Variants in ZNF268 observed in about 807,000 individuals in gnomAD.
The protein encoded by ZNF268 is zinc finger protein 268.
In ZNF268, 20 loss-of-function variants were observed where a neutral mutation model predicts 29.3. The ratio of observed to expected loss-of-function variants is 0.68; its 90% CI spans 0.48 to 0.99. The LOEUF (loss-of-function observed/expected upper bound fraction) is 0.99, where lower values mean the gene tolerates loss of function less well. Among genes scored for constraint, ZNF268 ranks in the 50% least tolerant of loss-of-function variants. The probability of loss-of-function intolerance (pLI) is 0.00; values close to 1 mark genes in which losing one functional copy is unlikely to be tolerated. For missense variants in ZNF268, 1,240 were observed against 1,121.6 expected, an observed-to-expected ratio of 1.11 and a Z score of -1.51; for synonymous variants, 429 against 376.9, an observed-to-expected ratio of 1.14 and a Z score of -1.60.
intron 3 of ZNF268, among the ~76,000 whole-genome samples, chr12:133,189,640 G>GT (rs1357665698): frequency 6.6e-6 from 1 of 152,084 alleles, no homozygotes; most frequent in Non-Finnish European, 1.5e-5. Context: ...ACTTTCTTAG[G>GT]TTTTTTGGTA....
At position 133,211,598 on chromosome 12, in the gene ZNF268, AAAG is replaced by A. The variant is rs36144378; in HGVS notation, c.*7073_*7075del. ...TGAAACTCCGTCTCAAAAAAAAAAA[AAAG>A]AAGATATACAGATGGCAAATAAGCA... On this transcript the variant is annotated 3_prime_UTR_variant, in exon 6 of 6. Transcript: ENST00000536435. 0.035 allele frequency: 5,427 copies of A among 154,238 alleles called. 138 individuals carry two copies. Among genetic ancestry groups the A allele is most frequent in the South Asian group, 0.11 (529 of 4,988 alleles). 9.6% of individuals were successfully genotyped at this position (154,238 alleles called of 1,614,324 possible).
chr12:133,182,099 C>A, intron 2 of ZNF268, 69 bp downstream of exon 2: 1 of 1,481,374 alleles, frequency 6.8e-7, no homozygotes, highest in South Asian at 1.2e-5. Context: ...ACTCCATCTA[C>A]TCCAGTCTGA....
intron 3 of ZNF268, 43 bp downstream of exon 3, chr12:133,188,115 C>CTTT (rs11427950): frequency 1.2e-4 from 161 of 1,327,744 alleles, no homozygotes; most frequent in African/African-American, 5.1e-4. Context: ...TCTTTATTAC[C>CTTT]TTTTTTTTTT....
chr12:133,188,627 A>G (rs1290544503), intron 3 of ZNF268, among the ~76,000 whole-genome samples: 1 of 152,006 alleles, frequency 6.6e-6, no homozygotes, highest in Non-Finnish European at 1.5e-5. Context: ...TTTTATGTGT[A>G]TCCTTTTTTT....
chr12:133,212,190 T>C lies in ZNF268; in HGVS notation c.*7660T>C, dbSNP rs918184933. Reference sequence around the variant, plus strand: ...ACAGGGGTAGCAAACATATCTGTGATTGATGACGGTTTGTAGAGGGCAGGG... The same window carrying C: ...ACAGGGGTAGCAAACATATCTGTGACTGATGACGGTTTGTAGAGGGCAGGG... On this transcript the variant is annotated 3_prime_UTR_variant, in exon 6 of 6. Coordinates refer to ENST00000536435, the MANE Select transcript of ZNF268 (RefSeq NM_003415.3). 1 of 152,110 alleles carries C rather than the reference T, an allele frequency of 6.6e-6. No individual in the cohort carries two copies. The highest frequency in any genetic ancestry group is 1.5e-5 in the Non-Finnish European group (1 of 68,036). 9.4% of individuals were successfully genotyped at this position (152,110 alleles called of 1,614,324 possible).
chr12:133,199,943 G>A (rs945321418), intron 5 of ZNF268, among the ~76,000 whole-genome samples: 3 of 151,892 alleles, frequency 2.0e-5, no homozygotes, highest in African/African-American at 4.8e-5. Context: ...TCTTGCTAGC[G>A]GTCTATCAAT....
intron 3 of ZNF268, among the ~76,000 whole-genome samples, chr12:133,191,074 T>G (rs1412863214): frequency 6.6e-6 from 1 of 152,066 alleles, no homozygotes; most frequent in African/African-American, 2.4e-5. Flanking sequence ...CCTAGCACTT[T>G]GGGAGGCCGA....
Position 133,205,687 on chromosome 12 carries a change from C to T in ZNF268, c.*1157C>T, listed in dbSNP as rs575214670. 5.3e-5 allele frequency: 8 copies of T among 152,322 alleles called. No individual in the cohort carries two copies. In the South Asian group the frequency reaches 1.2e-3, roughly 24 times the overall value. The allele number at this position is 152,322 out of a possible 1,614,324, so 9.4% of individuals were successfully genotyped here. On this transcript the variant is annotated 3_prime_UTR_variant, in exon 6 of 6. Transcript: ENST00000536435. ...CCTTTGGAAGCAGTCTTGGCAGCAACCTCTTTAGTAATCAATATAAGGCAC... is the reference window on the plus strand; with the variant it reads ...CCTTTGGAAGCAGTCTTGGCAGCAATCTCTTTAGTAATCAATATAAGGCAC...
In ZNF268 at chr12:133,203,687, C is replaced by T; in HGVS notation, c.2001C>T (p.Pro667=). The change falls in exon 6 of 6, where the codon CCC becomes CCT. Residue 667 remains proline, a synonymous_variant. Coordinates refer to ENST00000536435, the MANE Select transcript of ZNF268 (RefSeq NM_003415.3). ...VHKGVHTGVK[P]YGCSQCAKTF... ...AAGGAGTGCACACTGGAGTAAAACC[C>T]TATGGATGCAGTCAATGTGCAAAAA... is the stretch of plus-strand genomic sequence containing the variant. 6.5e-7 allele frequency: 1 copy of T among 1,548,106 alleles called. No individual in the cohort carries two copies. The highest frequency in any genetic ancestry group is 8.7e-7 in the Non-Finnish European group (1 of 1,152,386).
chr12:133,203,225 ATACCT>A lies in ZNF268; in HGVS notation c.1542_1546del (p.Leu515TyrfsTer13). On this transcript the variant is annotated frameshift_variant, in exon 6 of 6. Transcript: ENST00000536435. LOFTEE classifies it low-confidence loss of function (END_TRUNC). ...GTGGCAAAGCCTTCAGGAGCAAGTC[ATACCT>A]TATTATACATACAAGGACTCATACA... is the stretch of plus-strand genomic sequence containing the variant. The A allele has an allele frequency of 6.5e-7, 1 of 1,537,968 alleles. No individual in the cohort carries two copies. The highest frequency in any genetic ancestry group is 1.4e-5 in the African/African-American group (1 of 73,144).
At chr12:133,196,798 C>T (rs189126685) in intron 5 of ZNF268, among the ~76,000 whole-genome samples, 130 of 152,120 alleles carry the variant, frequency 8.5e-4, no homozygotes, top group African/African-American at 2.7e-3. Context: ...AGTGCATTAA[C>T]GGAAGATAAT....
chr12:133,191,813 A>G, intron 4 of ZNF268, 95 bp from the exon 5 acceptor site: 2 of 1,512,394 alleles, frequency 1.3e-6, no homozygotes, highest in Non-Finnish European at 1.8e-6. Context: ...AGGCAGCTTC[A>G]TCATGCTACC....
In ZNF268 at chr12:133,211,895, A is replaced by C. The variant is rs1265160358; in HGVS notation, c.*7365A>C. ...TAGATAACTGCTTTGAAAACATAGGAGTTTGATCTAAACAAAACCCAGCAT... is the reference window on the plus strand; with the variant it reads ...TAGATAACTGCTTTGAAAACATAGGCGTTTGATCTAAACAAAACCCAGCAT... On this transcript the variant is annotated 3_prime_UTR_variant, in exon 6 of 6. Coordinates refer to ENST00000536435, the MANE Select transcript of ZNF268 (RefSeq NM_003415.3). 1 of 152,224 alleles carries C rather than the reference A, an allele frequency of 6.6e-6. No homozygotes were observed. The highest frequency in any genetic ancestry group is 1.5e-5 in the Non-Finnish European group (1 of 68,040). The allele number at this position is 152,224 out of a possible 1,614,324, so 9.4% of individuals were successfully genotyped here.
At position 133,210,037 on chromosome 12, in the gene ZNF268, A is replaced by G. The variant is rs1319170874; in HGVS notation, c.*5507A>G. On this transcript the variant is annotated 3_prime_UTR_variant, in exon 6 of 6. Transcript: ENST00000536435. Reference sequence around the variant, plus strand: ...ATAAAGATGACTAGTGGAAACCTCAATAGAGGTACGATTTCCTAAAATAAA... The same window carrying G: ...ATAAAGATGACTAGTGGAAACCTCAGTAGAGGTACGATTTCCTAAAATAAA... 6.6e-6 allele frequency: 1 copy of G among 152,254 alleles called. No individual in the cohort carries two copies. Among genetic ancestry groups the G allele is most frequent in the Admixed American group, 6.5e-5 (1 of 15,282 alleles). The allele number at this position is 152,254 out of a possible 1,614,324, so 9.4% of individuals were successfully genotyped here.
chr12:133,199,186 T>G (rs1315871711), intron 5 of ZNF268, among the ~76,000 whole-genome samples: 1 of 152,230 alleles, frequency 6.6e-6, no homozygotes, highest in Non-Finnish European at 1.5e-5. Flanking sequence ...CATAGATAGC[T>G]CTTATTATTT....
intron 3 of ZNF268, among the ~76,000 whole-genome samples, chr12:133,188,595 AT>A (rs1956383692): frequency 6.6e-6 from 1 of 152,016 alleles, no homozygotes. Context: ...CTCCTTTCCC[AT>A]CCCCAAAAAG....
chr12:133,203,715 T>G lies in ZNF268; in HGVS notation c.2029T>G (p.Phe677Val). 1 of 1,547,618 alleles carries G rather than the reference T, an allele frequency of 6.5e-7. No homozygotes were observed. The highest frequency in any genetic ancestry group is 1.9e-5 in the Admixed American group (1 of 51,536). The change falls in exon 6 of 6, where the codon TTT (phenylalanine) becomes GTT (valine). Residue 677 changes from phenylalanine (F) to valine (V), a missense_variant. Transcript: ENST00000536435. ...TGGATGCAGTCAATGTGCAAAAACC[T>G]TTAGTTTGAAGTCCCAGCTCATTGT... Reference protein sequence around the residue: ...PYGCSQCAKTFSLKSQLIVHQ... With the variant: ...PYGCSQCAKTVSLKSQLIVHQ...
rs753070580 is a variant in ZNF268 at position 133,203,807 on chromosome 12, C to G, written c.2121C>G (p.Ser707Arg). ...GCSECGKAFR[S>R]KSYLIIHMRT... The stretch of plus-strand genomic sequence containing the variant: ...GTGAGTGTGGGAAAGCCTTCAGGAG[C>G]AAGTCATACCTTATTATACATATGA... Residue 707 changes from serine (S) to arginine (R), a missense_variant, in exon 6 of 6, where the codon AGC (serine) becomes AGG (arginine). Ser to Arg is a moderately radical substitution (Grantham distance 110, BLOSUM62 -1). This residue lies in a region of ZNF268 where 1,177 missense variants were observed against 1,039.6 expected (regional missense o/e 1.13). Coordinates refer to ENST00000536435, the MANE Select transcript of ZNF268 (RefSeq NM_003415.3). 6.4e-7 allele frequency: 1 copy of G among 1,561,754 alleles called. No homozygotes were observed. Among genetic ancestry groups the G allele is most frequent in the East Asian group, 2.4e-5 (1 of 42,484 alleles).
At chr12:133,184,407 GCT>G (rs1357797169) in intron 2 of ZNF268, among the ~76,000 whole-genome samples, 2 of 151,926 alleles carry the variant, frequency 1.3e-5, no homozygotes, top group Non-Finnish European at 2.9e-5. Context: ...ACCCGGCTCT[GCT>G]CTCTGCTTTC....
Sources: allele counts gnomAD v4.1 joint callset (sites outside exome capture counted in the v4.1 genomes callset), GRCh38; gene constraint gnomAD v4.1.1; regional missense constraint gnomAD v4.1.1; transcripts MANE v1.5; gene names NCBI Gene and HGNC (gene_info 2026-07-23, HGNC 2026-07-21).